Variants in AVEN observed in about 807,000 individuals in gnomAD.
AVEN encodes cell death regulator Aven.
In AVEN, 41 loss-of-function variants were observed where a neutral mutation model predicts 38.1. The observed-to-expected ratio is 1.08, with a 90% CI of 0.84 to 1.40. AVEN has a LOEUF of 1.40. AVEN is among the 40% of genes most tolerant of loss of function. AVEN has a pLI of 0.00. For synonymous variants in AVEN, 206 were observed against 171.8 expected (o/e 1.20, Z -1.56); for missense variants, 605 against 438.8 (o/e 1.38, Z -3.38).
intron 2 of AVEN, among the ~76,000 whole-genome samples, chr15:33,894,583 G>C (rs1892136979): frequency 6.8e-6 from 1 of 146,430 alleles, no homozygotes; most frequent in Admixed American, 6.9e-5. Flanking sequence ...GCCGAGGCAG[G>C]GGGACTGCCT....
intron 2 of AVEN, among the ~76,000 whole-genome samples, chr15:33,903,424 G>A (rs1378153750): frequency 6.6e-6 from 1 of 152,190 alleles, no homozygotes; most frequent in African/African-American, 2.4e-5. Context: ...CGCTCCCAGA[G>A]AGGTTGTAAG....
intron 1 of AVEN, among the ~76,000 whole-genome samples, chr15:34,027,903 C>T (rs1022038676): frequency 4.0e-5 from 6 of 151,418 alleles, no homozygotes; most frequent in Non-Finnish European, 8.8e-5. Context: ...CATTGTAGAA[C>T]GTTGACATTA....
intron 3 of AVEN, among the ~76,000 whole-genome samples, chr15:33,872,333 G>A (rs1344042701): frequency 1.3e-5 from 2 of 152,288 alleles, no homozygotes; most frequent in South Asian, 4.1e-4. Flanking sequence ...ACACTCTTTA[G>A]TAAGAAAAGA....
At chr15:33,873,467 A>T (rs1891084949) in intron 3 of AVEN, among the ~76,000 whole-genome samples, 1 of 148,572 alleles carries the variant, frequency 6.7e-6, no homozygotes, top group South Asian at 2.1e-4. Flanking sequence ...AACAAATTAC[A>T]TATATGTGTG....
At position 34,039,083 on chromosome 15, in the gene AVEN, G is replaced by C; in HGVS notation, c.-37C>G. 2 of 1,079,732 alleles carry C rather than the reference G, an allele frequency of 1.9e-6. No individual in the cohort carries two copies. The highest frequency in any genetic ancestry group is 2.2e-6 in the Non-Finnish European group (2 of 891,652). 66.9% of individuals were successfully genotyped at this position (1,079,732 alleles called of 1,614,324 possible). On this transcript the variant is annotated 5_prime_UTR_variant, in exon 1 of 6. Coordinates refer to ENST00000306730, the MANE Select transcript of AVEN (RefSeq NM_020371.3). ...TGGCGGTGCTGAGCGCGCGGGAGCC[G>C]AGCTGCGGCGGAGACGCCCTGGCCC...
At position 33,937,597 on chromosome 15, in the gene AVEN, C is replaced by T. The variant is rs1894138106; in HGVS notation, c.446-61602G>A. On this transcript the variant is annotated intron_variant, in intron 2 of 5. Transcript: ENST00000306730. Reference sequence around the variant, plus strand: ...CCCCCCAAAATTTATATGTTGAAGCCCTAACCCCCCAATGTGATAGTATTT... The same window carrying T: ...CCCCCCAAAATTTATATGTTGAAGCTCTAACCCCCCAATGTGATAGTATTT... Among the ~76,000 whole-genome samples, 4 of 151,852 alleles carry T rather than the reference C, an allele frequency of 2.6e-5. No individual in the cohort carries two copies. The South Asian group carries it at 8.3e-4, about 32-fold the overall frequency.
chr15:33,927,730 A>C (rs1290771057), intron 2 of AVEN, among the ~76,000 whole-genome samples: 1 of 152,200 alleles, frequency 6.6e-6, no homozygotes, highest in East Asian at 1.9e-4. Flanking sequence ...CAAAAGAAAG[A>C]TATTTTAACT....
the AVEN span, among the ~76,000 whole-genome samples, chr15:33,853,310 C>G: frequency 1.3e-5 from 2 of 152,204 alleles, no homozygotes; most frequent in African/African-American, 4.8e-5. Flanking sequence ...TCATTGTTTT[C>G]TGCATAGTAG....
chr15:33,873,928 G>C (rs1891113500), intron 3 of AVEN, among the ~76,000 whole-genome samples: 1 of 151,350 alleles, frequency 6.6e-6, no homozygotes, highest in African/African-American at 2.4e-5. Flanking sequence ...AGTAACCCCT[G>C]TCCCACGCTC....
At position 33,867,731 on chromosome 15, in the gene AVEN, G is replaced by T. The variant is rs762656596; in HGVS notation, c.737C>A (p.Ser246Tyr). 1 of 1,614,090 alleles carries T rather than the reference G, an allele frequency of 6.2e-7. No individual in the cohort carries two copies. Among genetic ancestry groups the T allele is most frequent in the South Asian group, 1.1e-5 (1 of 91,088 alleles). Reference protein sequence around the residue: ...GGRGPIFELKSVAAGCPVLLG... With the variant: ...GGRGPIFELKYVAAGCPVLLG... Reference sequence around the variant, plus strand: ...CAACACAGGGCAGCCAGCAGCCACAGATTTCAGCTCAAAGATGGGCCCCCT... The same window carrying T: ...CAACACAGGGCAGCCAGCAGCCACATATTTCAGCTCAAAGATGGGCCCCCT... The change falls in exon 5 of 6, where the codon TCT becomes TAT. Residue 246 changes from serine to tyrosine, a missense_variant. Ser to Tyr is a moderately radical substitution (Grantham distance 144). Coordinates refer to ENST00000306730, the MANE Select transcript of AVEN (RefSeq NM_020371.3).
At chr15:33,939,454 T>C (rs147910879) in intron 2 of AVEN, among the ~76,000 whole-genome samples, 3 of 152,136 alleles carry the variant, frequency 2.0e-5, no homozygotes, top group African/African-American at 7.2e-5. Flanking sequence ...AGGTAAAATC[T>C]AAAGAAACAA....
intron 1 of AVEN, among the ~76,000 whole-genome samples, chr15:34,014,214 A>ATTT (rs1897765020): frequency 6.6e-6 from 1 of 151,928 alleles, no homozygotes; most frequent in Admixed American, 6.6e-5. Context: ...AATATGAAAA[A>ATTT]TTAGCCAGGC....
At chr15:33,878,501 T>C (rs1490434792) in intron 2 of AVEN, among the ~76,000 whole-genome samples, 1 of 152,154 alleles carries the variant, frequency 6.6e-6, no homozygotes, top group Admixed American at 6.5e-5. Context: ...ACATATTTTG[T>C]ATGAATCAGA....
At chr15:33,923,955 G>A (rs1316839163) in intron 2 of AVEN, among the ~76,000 whole-genome samples, 3 of 115,210 alleles carry the variant, frequency 2.6e-5, no homozygotes, top group Non-Finnish European at 5.7e-5. Context: ...CAAGCTCAGG[G>A]CTCCCACTGA....
At chr15:34,048,834 A>G (rs563171476) in intron 5 of AVEN, among the ~76,000 whole-genome samples, 3 of 152,288 alleles carry the variant, frequency 2.0e-5, no homozygotes, top group Non-Finnish European at 1.5e-5. Context: ...CCTCCAAAGG[A>G]AGGAGCAGTC....
chr15:33,895,166 T>C (rs1311821242), intron 2 of AVEN, among the ~76,000 whole-genome samples: 2 of 152,144 alleles, frequency 1.3e-5, no homozygotes, highest in Non-Finnish European at 2.9e-5. Context: ...ACTTACTCTC[T>C]AGTATGACAA....
chr15:33,938,089 G>A (rs1894164017), intron 2 of AVEN, among the ~76,000 whole-genome samples: 1 of 151,902 alleles, frequency 6.6e-6, no homozygotes, highest in African/African-American at 2.4e-5. Context: ...ATATCTTAGG[G>A]GGAAAGAAAG....
chr15:33,960,673 G>A (rs1895127681), intron 2 of AVEN, among the ~76,000 whole-genome samples: 1 of 152,144 alleles, frequency 6.6e-6, no homozygotes, highest in African/African-American at 2.4e-5. Flanking sequence ...ATACCTCCCT[G>A]ACATCTCCAG....
At chr15:34,008,724 G>A (rs1897487283) in intron 1 of AVEN, among the ~76,000 whole-genome samples, 1 of 151,928 alleles carries the variant, frequency 6.6e-6, no homozygotes, top group East Asian at 2.0e-4. Flanking sequence ...TCCTGACCTC[G>A]TGATCTGCCC....
Sources: gnomAD v4.1 joint callset for allele counts (sites outside exome capture counted in the v4.1 genomes callset) on GRCh38, gnomAD v4.1.1 for gene constraint, MANE v1.5 for transcripts, NCBI Gene and HGNC (gene_info 2026-07-23, HGNC 2026-07-21) for gene names.